The following MMP15 variants were observed in gnomAD, a reference collection of about 807,000 sequenced individuals.
The protein encoded by MMP15 is matrix metallopeptidase 15.
In MMP15, 36 loss-of-function variants were observed where a neutral mutation model predicts 65.0. The ratio of observed to expected loss-of-function variants is 0.55; its 90% CI spans 0.42 to 0.73. The LOEUF is 0.73. Ranked by LOEUF, MMP15 falls within the 30% of genes least tolerant of loss-of-function variation. MMP15 has a pLI of 0.00. For missense variants in MMP15, 870 were observed against 987.8 expected (o/e 0.88, Z 1.60); for synonymous variants, 428 against 410.2 (o/e 1.04, Z -0.52).
chr16:58,043,410 C>T (rs1296693110), intron 8 of MMP15, 50 bp downstream of exon 8: 3 of 1,592,214 alleles, frequency 1.9e-6, no homozygotes, highest in Admixed American at 3.6e-5. Context: ...TCTAGGCCCC[C>T]CTCAACCTCA....
chr16:58,038,473 C>T (rs965276962), intron 3 of MMP15, 79 bp downstream of exon 3: 22 of 1,576,412 alleles, frequency 1.4e-5, no homozygotes, highest in African/African-American at 2.7e-5. Flanking sequence ...GAGCCCACCT[C>T]GGCGCCCAGC....
chr16:58,026,629 C>T, intron 1 of MMP15, 117 bp downstream of exon 1: 4 of 1,148,264 alleles, frequency 3.5e-6, no homozygotes, highest in Non-Finnish European at 4.5e-6. Flanking sequence ...TGTTCTGGGC[C>T]GTGGCGGGGA....
At chr16:58,041,923 G>A in intron 6 of MMP15, 53 bp downstream of exon 6, 1 of 1,524,980 alleles carries the variant, frequency 6.6e-7, no homozygotes, top group Non-Finnish European at 8.8e-7. Flanking sequence ...GGCTGCTCTG[G>A]GCCCCCTGTC....
intron 6 of MMP15, 115 bp from the exon 7 acceptor site, chr16:58,042,116 C>T: frequency 1.5e-6 from 2 of 1,344,150 alleles, no homozygotes; most frequent in Non-Finnish European, 2.0e-6. Flanking sequence ...GCCTCAGTAT[C>T]TCAGTGTCCT....
chr16:58,033,017 G>A (rs1207265506), intron 1 of MMP15, among the ~76,000 whole-genome samples: 1 of 89,076 alleles, frequency 1.1e-5, no homozygotes, highest in East Asian at 3.1e-4. Flanking sequence ...GGAAGGGCCG[G>A]CTGGGGCGGC....
At chr16:58,036,892 A>G (rs1025284748) in intron 1 of MMP15, among the ~76,000 whole-genome samples, 1 of 152,276 alleles carries the variant, frequency 6.6e-6, no homozygotes, top group Non-Finnish European at 1.5e-5. Context: ...GGGGAAGACA[A>G]ATAGCAAACA....
At chr16:58,028,069 A>G (rs944281972) in intron 1 of MMP15, among the ~76,000 whole-genome samples, 2 of 152,206 alleles carry the variant, frequency 1.3e-5, no homozygotes, top group Non-Finnish European at 2.9e-5. Context: ...CATAGGAAGC[A>G]GTGATGGAAT....
chr16:58,025,815 C>T lies in MMP15; in HGVS notation c.-536C>T, dbSNP rs1041623611. 1.3e-5 allele frequency: 2 copies of T among 151,918 alleles called. No individual in the cohort carries two copies. The highest frequency in any genetic ancestry group is 1.9e-4 in the East Asian group (1 of 5,148). The allele number at this position is 151,918 out of a possible 1,614,324, so 9.4% of individuals were successfully genotyped here. ...CGCCGGGGACGTCGGGCGCCCGCTC[C>T]TTGGCTGGCTCGCTTGCTCTCTCGC... On this transcript the variant is annotated 5_prime_UTR_variant, in exon 1 of 10. Coordinates refer to ENST00000219271, the MANE Select transcript of MMP15 (RefSeq NM_002428.4).
chr16:58,041,543 G>A (rs1473283206), intron 5 of MMP15, 74 bp from the exon 6 acceptor site: 1 of 1,529,350 alleles, frequency 6.5e-7, no homozygotes, highest in African/African-American at 1.4e-5. Context: ...GGGTGGGCCT[G>A]TGCTGGGGGC....
At chr16:58,042,515 C>T (rs1050573077) in intron 7 of MMP15, 146 bp downstream of exon 7, 3 of 1,219,114 alleles carry the variant, frequency 2.5e-6, no homozygotes, top group South Asian at 1.5e-5. Context: ...AGGATGAGGA[C>T]ACAGCAGCAA....
In MMP15 at chr16:58,045,077, C is replaced by G; in HGVS notation, c.1641C>G (p.Gly547=). The change falls in exon 10 of 10, where the codon GGC becomes GGG. Residue 547 remains glycine (G), a synonymous_variant. Transcript: ENST00000219271. ...FDNERLRMEP[G]YPKSILRDFM... is the part of the protein sequence containing the mutation. ...ATGAGCGCCTGCGGATGGAGCCCGG[C>G]TACCCCAAGTCCATCCTGCGGGACT... The G allele has an allele frequency of 6.2e-7, 1 of 1,613,116 alleles. No homozygotes were observed. The highest frequency in any genetic ancestry group is 8.5e-7 in the Non-Finnish European group (1 of 1,179,842).
At position 58,034,420 on chromosome 16, in the gene MMP15, G is replaced by A. The variant is rs568391659; in HGVS notation, c.163-3052G>A. 4.0e-4 allele frequency among the ~76,000 whole-genome samples: 60 copies of A among 150,382 alleles called. No homozygotes were observed. In the Middle Eastern group the frequency reaches 0.01, roughly 26 times the overall value. On this transcript the variant is annotated intron_variant, in intron 1 of 9. Coordinates refer to ENST00000219271, the MANE Select transcript of MMP15 (RefSeq NM_002428.4). Reference sequence around the variant, plus strand: ...TTCCCCTGAGCTTGTCCCACTTAGTGTGGCAGGAAGGTGCCAGGAAACTTC... The same window carrying A: ...TTCCCCTGAGCTTGTCCCACTTAGTATGGCAGGAAGGTGCCAGGAAACTTC...
intron 1 of MMP15, among the ~76,000 whole-genome samples, chr16:58,035,815 G>GCTGCCCTGCCTGATCCAGTCT (rs1486289708): frequency 6.6e-6 from 1 of 152,168 alleles, no homozygotes; most frequent in Non-Finnish European, 1.5e-5. Flanking sequence ...CTGCGACCCT[G>GCTGCCCTGCCTGATCCAGTCT]GCAGCTTCTC....
rs1434764640 is a variant in MMP15, at chr16:58,043,307, C to T, written c.1401C>T (p.Asp467=). The T allele has an allele frequency of 1.2e-6, 2 of 1,606,196 alleles. No homozygotes were observed. Among genetic ancestry groups the T allele is most frequent in the African/African-American group, 1.3e-5 (1 of 74,870 alleles). The stretch of plus-strand genomic sequence containing the variant: ...TGGGCATCCCCTATGACCGCATTGA[C>T]ACGGCCATCTGGTGGGAGCCCACAG... ...YGLGIPYDRI[D]TAIWWEPTGH... is the part of the protein sequence containing the mutation. The change falls in exon 8 of 10, where the codon GAC becomes GAT. Residue 467 remains aspartate (D), a synonymous_variant. Coordinates refer to ENST00000219271, the MANE Select transcript of MMP15 (RefSeq NM_002428.4).
chr16:58,032,154 C>T (rs561233314), intron 1 of MMP15, among the ~76,000 whole-genome samples: 3 of 152,344 alleles, frequency 2.0e-5, no homozygotes, highest in Admixed American at 1.3e-4. Flanking sequence ...CGTGAGCTGC[C>T]ATGCCCTGCC....
intron 1 of MMP15, among the ~76,000 whole-genome samples, chr16:58,037,183 A>G (rs1959348107): frequency 6.6e-6 from 1 of 152,204 alleles, no homozygotes; most frequent in Non-Finnish European, 1.5e-5. Context: ...GGTGACAGTG[A>G]GGGCCTTGTG....
intron 2 of MMP15, among the ~76,000 whole-genome samples, chr16:58,038,026 T>G (rs181343537): frequency 6.6e-6 from 1 of 152,300 alleles, no homozygotes; most frequent in Non-Finnish European, 1.5e-5. Context: ...GAGCGAACCC[T>G]CCATTACTGG....
chr16:58,030,883 G>T (rs560460927), intron 1 of MMP15, among the ~76,000 whole-genome samples: 1 of 152,144 alleles, frequency 6.6e-6, no homozygotes, highest in East Asian at 1.9e-4. Flanking sequence ...AATAGCAATG[G>T]TCTATCTGCT....
Position 58,038,249 on chromosome 16 carries a change from CTG to C in MMP15, c.312-13_312-12del, listed in dbSNP as rs766980604. The stretch of plus-strand genomic sequence containing the variant: ...GAGGGGAGGCTCCGTGCTCACCCCT[CTG>C]TGTCCATGTCCCAGGTGGATGAAGC... On this transcript the variant is annotated splice_polypyrimidine_tract_variant and intron_variant, in intron 2 of 9. Coordinates refer to ENST00000219271, the MANE Select transcript of MMP15 (RefSeq NM_002428.4). 6.2e-6 allele frequency: 10 copies of C among 1,612,750 alleles called. No individual in the cohort carries two copies. The highest frequency in any genetic ancestry group is 1.3e-5 in the African/African-American group (1 of 74,920).
Sources: gnomAD v4.1 joint callset for allele counts (sites outside exome capture counted in the v4.1 genomes callset) on GRCh38, gnomAD v4.1.1 for gene constraint, MANE v1.5 for transcripts, NCBI Gene and HGNC (gene_info 2026-07-23, HGNC 2026-07-21) for gene names.